The following RASD2 variants were observed in gnomAD, a reference collection of about 807,000 sequenced individuals.
RASD2 encodes the protein RASD family member 2.
Under a neutral mutation model 15.8 loss-of-function variants are expected in RASD2, and 7 were observed. The observed-to-expected ratio is 0.44, with a 90% CI of 0.25 to 0.83. The LOEUF is 0.83. Ranked by LOEUF, RASD2 falls within the 40% of genes least tolerant of loss-of-function variation. RASD2 has a pLI of 0.20. For synonymous variants in RASD2, 155 were observed against 153.6 expected, an observed-to-expected ratio of 1.01 and a Z score of -0.07; for missense variants, 274 against 382.8, an observed-to-expected ratio of 0.72 and a Z score of 2.37.
In RASD2 at chr22:35,546,915, G is replaced by A. The variant is rs1198272450; in HGVS notation, c.106G>A (p.Val36Met). 6.2e-6 allele frequency: 10 copies of A among 1,613,246 alleles called. No homozygotes were observed. The highest frequency in any genetic ancestry group is 2.7e-5 in the African/African-American group (2 of 74,888). Residue 36 changes from valine to methionine, a missense_variant, in exon 2 of 3, where the codon GTG becomes ATG. By Grantham distance (21) the Val-to-Met change is conservative. Transcript: ENST00000216127. ...CTCTCGGGTGGGCAAGAGCTCCATC[G>A]TGTCTCGCTTCCTCAATGGCCGCTT... ...GASRVGKSSI[V>M]SRFLNGRFED...
chr22:35,537,383 C>T (rs758361887), upstream of RASD2, among the ~76,000 whole-genome samples: 14 of 152,182 alleles, frequency 9.2e-5, no homozygotes, highest in Non-Finnish European at 1.8e-4. Flanking sequence ...GAATCAGGCT[C>T]GGTCCCCACT....
At chr22:35,542,843 G>T (rs1934388818) in intron 1 of RASD2, among the ~76,000 whole-genome samples, 1 of 152,218 alleles carries the variant, frequency 6.6e-6, no homozygotes, top group South Asian at 2.1e-4. Flanking sequence ...CTCAGAGGTG[G>T]CTGGCAGGGT....
At chr22:35,538,733 G>C (rs1338863095), upstream of RASD2, among the ~76,000 whole-genome samples, 3 of 152,134 alleles carry the variant, frequency 2.0e-5, no homozygotes, top group African/African-American at 7.2e-5. Context: ...TTGGTTCTTG[G>C]GCCGTCTGCT....
At chr22:35,540,080 C>G (rs1014908995), upstream of RASD2, among the ~76,000 whole-genome samples, 1 of 152,212 alleles carries the variant, frequency 6.6e-6, no homozygotes, top group Non-Finnish European at 1.5e-5. Flanking sequence ...GGGAGGGAGG[C>G]GGCGGCTGGG....
chr22:35,540,147 G>T (rs1258915527), upstream of RASD2, among the ~76,000 whole-genome samples: 2 of 152,196 alleles, frequency 1.3e-5, no homozygotes, highest in African/African-American at 2.4e-5. Context: ...GGAGGAGGGC[G>T]CTGGAACCGT....
chr22:35,540,305 C>T (rs976484917), upstream of RASD2, among the ~76,000 whole-genome samples: 99 of 151,572 alleles, frequency 6.5e-4, no homozygotes, highest in African/African-American at 2.1e-3. Context: ...GGGCCGCCTT[C>T]TGGGCAAGGT....
chr22:35,550,347 A>C (rs954067494), intron 2 of RASD2, among the ~76,000 whole-genome samples: 3 of 148,744 alleles, frequency 2.0e-5, no homozygotes, highest in African/African-American at 7.4e-5. Flanking sequence ...AGGCTGAGGC[A>C]GGAGAATCGC....
upstream of RASD2, among the ~76,000 whole-genome samples, chr22:35,536,370 G>C (rs1049797034): frequency 1.3e-4 from 20 of 150,758 alleles, no homozygotes; most frequent in Non-Finnish European, 1.6e-4. Context: ...CTGTCGCCCA[G>C]GCTAGAGGGC....
At position 35,552,122 on chromosome 22, in the gene RASD2, C is replaced by A; in HGVS notation, c.*90C>A. On this transcript the variant is annotated 3_prime_UTR_variant, in exon 3 of 3. Transcript: ENST00000216127. ...GCGCATCTCCCCACCGAGGCCCCGG[C>A]AGCAGTCTTGTTCACAGACCTTAGG... 6.8e-7 allele frequency: 1 copy of A among 1,465,362 alleles called. No individual in the cohort carries two copies. The highest frequency in any genetic ancestry group is 9.1e-7 in the Non-Finnish European group (1 of 1,096,276). 90.8% of individuals were successfully genotyped at this position (1,465,362 alleles called of 1,614,324 possible).
At chr22:35,548,702 C>T (rs1384121655) in intron 2 of RASD2, among the ~76,000 whole-genome samples, 3 of 152,206 alleles carry the variant, frequency 2.0e-5, no homozygotes, top group East Asian at 1.9e-4. Context: ...TCAAGTTCTC[C>T]GCTCCACCCC....
In RASD2 at chr22:35,541,135, C is replaced by T. The variant is rs1170956995; in HGVS notation, c.-375C>T. 4 of 152,350 alleles carry T rather than the reference C, an allele frequency of 2.6e-5. No homozygotes were observed. Among genetic ancestry groups the T allele is most frequent in the Non-Finnish European group, 5.9e-5 (4 of 68,206 alleles). The allele number at this position is 152,350 out of a possible 1,614,324, so 9.4% of individuals were successfully genotyped here. ...TCGCCCCTACCTCTCTGCCCCCAGC[C>T]CGAGAGCCCCAGGCGGGGACCCCCG... is the stretch of plus-strand genomic sequence containing the variant. On this transcript the variant is annotated 5_prime_UTR_variant, in exon 1 of 3. Coordinates refer to ENST00000216127, the MANE Select transcript of RASD2 (RefSeq NM_014310.4).
chr22:35,545,831 G>A (rs879747999), intron 1 of RASD2, among the ~76,000 whole-genome samples: 1 of 152,128 alleles, frequency 6.6e-6, no homozygotes, highest in African/African-American at 2.4e-5. Context: ...TCTGGTGGGC[G>A]CTAAGGTAGG....
chr22:35,550,680 G>C (rs1321597562), intron 2 of RASD2, among the ~76,000 whole-genome samples: 1 of 152,324 alleles, frequency 6.6e-6, no homozygotes, highest in East Asian at 1.9e-4. Flanking sequence ...TTGAGAAGCA[G>C]AGAGCACCTA....
the RASD2 span, among the ~76,000 whole-genome samples, chr22:35,533,777 G>A: frequency 1.3e-5 from 2 of 151,622 alleles, no homozygotes; most frequent in African/African-American, 2.4e-5. Context: ...TGATGATGAC[G>A]ATAGCGATGA....
the RASD2 span, among the ~76,000 whole-genome samples, chr22:35,535,644 C>T: frequency 1.1e-4 from 17 of 152,262 alleles, no homozygotes; most frequent in Non-Finnish European, 2.4e-4. Flanking sequence ...TAGGAGCCTG[C>T]TGGCAATCCA....
chr22:35,540,335 G>C (rs988378384), upstream of RASD2, among the ~76,000 whole-genome samples: 3 of 150,784 alleles, frequency 2.0e-5, no homozygotes, highest in African/African-American at 7.3e-5. Flanking sequence ...CAGCGGCCCC[G>C]GCCCCACGCG....
rs777170657 is a variant in RASD2 at position 35,546,804 on chromosome 22, C to A, written c.-6C>A. On this transcript the variant is annotated 5_prime_UTR_variant, in exon 2 of 3. Transcript: ENST00000216127. The stretch of plus-strand genomic sequence containing the variant: ...TGCTTCTCTCGCTTTGTTGCAGCCC[C>A]GAGCCATGATGAAGACTTTGTCCAG... The A allele has an allele frequency of 6.2e-7, 1 of 1,611,976 alleles. No individual in the cohort carries two copies. The highest frequency in any genetic ancestry group is 8.5e-7 in the Non-Finnish European group (1 of 1,179,130).
At chr22:35,533,535 A>G in the RASD2 span, among the ~76,000 whole-genome samples, 2 of 148,602 alleles carry the variant, frequency 1.3e-5, no homozygotes, top group African/African-American at 5.0e-5. Context: ...AATGATAGTG[A>G]TGATGGTGGT....
intron 2 of RASD2, 38 bp downstream of exon 2, chr22:35,547,118 C>T: frequency 1.9e-6 from 3 of 1,589,500 alleles, no homozygotes; most frequent in Non-Finnish European, 2.6e-6. Context: ...GCGGCAGGGC[C>T]AGGGCATGGG....
Sources: gnomAD v4.1 joint callset for allele counts (sites outside exome capture counted in the v4.1 genomes callset) on GRCh38, gnomAD v4.1.1 for gene constraint, MANE v1.5 for transcripts, NCBI Gene and HGNC (gene_info 2026-07-23, HGNC 2026-07-21) for gene names.